Variants in DGKB observed in about 807,000 individuals in gnomAD.
DGKB encodes diacylglycerol kinase beta.
Under a neutral mutation model 114.3 loss-of-function variants are expected in DGKB, and 67 were observed. The ratio of observed to expected loss-of-function variants is 0.59; its 90% confidence interval spans 0.48 to 0.72. The LOEUF is 0.72. Ranked by LOEUF, DGKB falls within the 30% of genes least tolerant of loss-of-function variation. DGKB has a pLI of 0.00. For synonymous variants in DGKB, 398 were observed against 323.1 expected (o/e 1.23, Z -2.49); for missense variants, 907 against 975.2 (o/e 0.93, Z 0.93).
chr7:14,841,677 A>G (rs1364187815), intron 1 of DGKB, among the ~76,000 whole-genome samples: 1 of 152,182 alleles, frequency 6.6e-6, no homozygotes, highest in African/African-American at 2.4e-5. Context: ...ATCAGTCTGT[A>G]CCAATTTTTT....
At chr7:14,161,423 T>C (rs1475074431) in intron 25 of DGKB, among the ~76,000 whole-genome samples, 1 of 152,140 alleles carries the variant, frequency 6.6e-6, no homozygotes, top group Non-Finnish European at 1.5e-5. Flanking sequence ...CACATGCCCG[T>C]CAATGATAGA....
At chr7:14,876,725 A>G (rs1232256192) in intron 1 of DGKB, among the ~76,000 whole-genome samples, 1 of 152,192 alleles carries the variant, frequency 6.6e-6, no homozygotes, top group Admixed American at 6.5e-5. Flanking sequence ...ATCTGATGCT[A>G]CATATTGTCA....
At chr7:14,428,019 T>C (rs1344047709) in intron 21 of DGKB, among the ~76,000 whole-genome samples, 2 of 152,238 alleles carry the variant, frequency 1.3e-5, no homozygotes, top group South Asian at 2.1e-4. Flanking sequence ...CTATTGATGG[T>C]TCATTTATTT....
At chr7:14,211,446 TA>T (rs764414053) in intron 23 of DGKB, among the ~76,000 whole-genome samples, 9 of 72,132 alleles carry the variant, frequency 1.2e-4, no homozygotes, top group African/African-American at 3.3e-4. Flanking sequence ...TGTTTTGTGA[TA>T]TTTACTCTCA....
chr7:14,731,716 A>T (rs1049370522), intron 5 of DGKB, among the ~76,000 whole-genome samples: 1 of 152,178 alleles, frequency 6.6e-6, no homozygotes, highest in Non-Finnish European at 1.5e-5. Context: ...AGAAAAAGAA[A>T]GATTCCAACT....
chr7:14,184,005 C>T (rs1056730598), intron 23 of DGKB, among the ~76,000 whole-genome samples: 1 of 152,194 alleles, frequency 6.6e-6, no homozygotes, highest in Non-Finnish European at 1.5e-5. Context: ...CCTCCTCTCC[C>T]CATCACATGC....
chr7:14,902,537 C>T (rs1265929991), intron 1 of DGKB, 55 bp downstream of exon 1: 1 of 152,370 alleles, frequency 6.6e-6, no homozygotes, highest in Admixed American at 6.5e-5. Context: ...TCCCTTCCCC[C>T]GCACCACACA....
chr7:14,363,813 C>G (rs1224855419), intron 21 of DGKB, among the ~76,000 whole-genome samples: 1 of 151,228 alleles, frequency 6.6e-6, no homozygotes, highest in Non-Finnish European at 1.5e-5. Context: ...GCTTAAATTT[C>G]ATTACTAAGG....
intron 1 of DGKB, among the ~76,000 whole-genome samples, chr7:14,855,460 C>T (rs4719429): frequency 0.54 from 82,330 of 151,546 alleles, 25,644 homozygotes; most frequent in East Asian, 0.93. Flanking sequence ...ATTACATAAA[C>T]CTGTATTTGC....
chr7:14,354,877 A>G (rs11983601), intron 21 of DGKB, among the ~76,000 whole-genome samples: 1,925 of 152,300 alleles, frequency 0.013, 37 homozygotes, highest in African/African-American at 0.044. Context: ...GAGCAAGTGA[A>G]TAAGAGCCTG....
intron 13 of DGKB, among the ~76,000 whole-genome samples, chr7:14,639,084 A>G (rs1420278419): frequency 6.6e-6 from 1 of 152,076 alleles, no homozygotes; most frequent in Non-Finnish European, 1.5e-5. Context: ...AAAAACACGA[A>G]GTGAGCATTT....
chr7:14,372,476 G>A (rs116309488), intron 21 of DGKB, among the ~76,000 whole-genome samples: 359 of 152,146 alleles, frequency 2.4e-3, no homozygotes, highest in African/African-American at 8.1e-3. Context: ...AAGTTGAGGA[G>A]CACATGTACA....
intron 23 of DGKB, among the ~76,000 whole-genome samples, chr7:14,328,869 A>T (rs1809222497): frequency 6.6e-6 from 1 of 151,990 alleles, no homozygotes; most frequent in Non-Finnish European, 1.5e-5. Flanking sequence ...GATACTGTAC[A>T]ACAGCTAACA....
intron 21 of DGKB, among the ~76,000 whole-genome samples, chr7:14,460,544 A>G (rs1832932918): frequency 6.6e-6 from 1 of 152,202 alleles, no homozygotes; most frequent in South Asian, 2.1e-4. Flanking sequence ...CAATCCACCA[A>G]GAAGAGCTAA....
chr7:14,584,275 T>A (rs1268612896), intron 17 of DGKB, among the ~76,000 whole-genome samples: 1 of 152,208 alleles, frequency 6.6e-6, no homozygotes, highest in Non-Finnish European at 1.5e-5. Context: ...TTTAAGCTAT[T>A]TCCTGTGTCT....
chr7:14,188,991 A>C (rs768256083), intron 23 of DGKB, among the ~76,000 whole-genome samples: 9 of 152,190 alleles, frequency 5.9e-5, no homozygotes, highest in Non-Finnish European at 1.3e-4. Context: ...AGAAAAAGCT[A>C]AGGGAATTCA....
chr7:14,436,886 A>G (rs1423205868), intron 21 of DGKB, among the ~76,000 whole-genome samples: 2 of 152,070 alleles, frequency 1.3e-5, no homozygotes, highest in Non-Finnish European at 2.9e-5. Context: ...ATTTTAATGA[A>G]CCCCAGAGTA....
In DGKB at chr7:14,961,371, T is replaced by G. The variant is rs1381148724; in HGVS notation, c.-188+13325A>C. 3.3e-5 allele frequency among the ~76,000 whole-genome samples: 5 copies of G among 152,078 alleles called. No homozygotes were observed. The East Asian group carries it at 9.6e-4, about 29-fold the overall frequency. On this transcript the variant is annotated intron_variant, in intron 1 of 4. Transcript: ENST00000437998. ...TCTTTAGTAACCAAACCTTTCTAAT[T>G]TAAGCACATATAATTTAGGATTTTA...
chr7:14,860,108 T>C (rs1850752440), intron 1 of DGKB, among the ~76,000 whole-genome samples: 1 of 152,132 alleles, frequency 6.6e-6, no homozygotes, highest in African/African-American at 2.4e-5. Context: ...TTTTCATACT[T>C]ACATGATACA....
Sources: gnomAD v4.1 joint callset for allele counts (sites outside exome capture counted in the v4.1 genomes callset) on GRCh38, gnomAD v4.1.1 for gene constraint, MANE v1.5 for transcripts, NCBI Gene and HGNC (gene_info 2026-07-23, HGNC 2026-07-21) for gene names.